LINGO2: variants seen among roughly 807,000 people sequenced by gnomAD.
The protein encoded by LINGO2 is leucine rich repeat and Ig domain containing 2.
A neutral mutation model predicts 30.6 loss-of-function variants in LINGO2; 14 were observed. The observed-to-expected ratio is 0.46, with a 90% confidence interval of 0.30 to 0.72. The LOEUF (loss-of-function observed/expected upper bound fraction) is 0.72, where lower values mean the gene tolerates loss of function less well. LINGO2 is among the 30% of genes least tolerant of loss of function. The pLI, the probability that LINGO2 is intolerant of heterozygous loss-of-function variation, is 0.07. For missense variants in LINGO2, 729 were observed against 751.7 expected (o/e 0.97, Z 0.35); for synonymous variants, 317 against 288.5 (o/e 1.10, Z -1.00).
intron 4 of LINGO2, among the ~76,000 whole-genome samples, chr9:28,157,838 A>G (rs1220632997): frequency 6.6e-6 from 1 of 152,154 alleles, no homozygotes; most frequent in Admixed American, 6.5e-5. Flanking sequence ...TTCAGTTCCC[A>G]ATAAGTTCCT....
At chr9:28,701,000 G>T in the LINGO2 span, among the ~76,000 whole-genome samples, 1 of 151,806 alleles carries the variant, frequency 6.6e-6, no homozygotes, top group East Asian at 1.9e-4. Flanking sequence ...TTTTCTTTGG[G>T]TTGTTAATTC....
rs549969145 is a variant in LINGO2 at position 28,242,546 on chromosome 9, C to T, written c.-87+52662G>A. 9.2e-5 allele frequency among the ~76,000 whole-genome samples: 14 copies of T among 152,264 alleles called. No individual in the cohort carries two copies. In the South Asian group the frequency reaches 2.3e-3, roughly 25 times the overall value. On this transcript the variant is annotated intron_variant, in intron 4 of 5. Transcript: ENST00000379992. The stretch of plus-strand genomic sequence containing the variant: ...GTGAATGGATTCAAGTTGAAAAACA[C>T]ACTTCAGGATATTATCCAGGAGAAC...
At chr9:28,815,609 C>A in the LINGO2 span, among the ~76,000 whole-genome samples, 9 of 152,284 alleles carry the variant, frequency 5.9e-5, no homozygotes, top group South Asian at 1.9e-3. Flanking sequence ...TCAGAAAGAT[C>A]TTTTACTATT....
At position 28,589,840 on chromosome 9, in the gene LINGO2, C is replaced by T. The variant is rs921039498; in HGVS notation, c.-365+80360G>A. ...TGGAACCAAAAAAGAGCCCGCATTG[C>T]CAAGACAATCCTAAGCCAAAAAAGA... is the stretch of plus-strand genomic sequence containing the variant. On this transcript the variant is annotated intron_variant, in intron 1 of 5. Transcript: ENST00000379992. Among the ~76,000 whole-genome samples the T allele has an allele frequency of 7.2e-5, 11 of 152,030 alleles. No individual in the cohort carries two copies. In the East Asian group the frequency reaches 7.7e-4, roughly 11 times the overall value.
intron 4 of LINGO2, among the ~76,000 whole-genome samples, chr9:28,055,483 G>T (rs996417574): frequency 6.6e-6 from 1 of 152,124 alleles, no homozygotes; most frequent in Non-Finnish European, 1.5e-5. Context: ...CTTGTAAAAA[G>T]AGAGTAAGGT....
chr9:28,955,185 A>AGT, the LINGO2 span, among the ~76,000 whole-genome samples: 5 of 151,706 alleles, frequency 3.3e-5, no homozygotes, highest in African/African-American at 7.3e-5. Flanking sequence ...AGAGAGAGAG[A>AGT]GTGTGTGAGA....
At chr9:28,824,974 G>C in the LINGO2 span, among the ~76,000 whole-genome samples, 5 of 152,056 alleles carry the variant, frequency 3.3e-5, no homozygotes, top group African/African-American at 1.2e-4. Context: ...GGGTGAATGA[G>C]AGAACTCCTA....
the LINGO2 span, among the ~76,000 whole-genome samples, chr9:28,866,237 C>G: frequency 2.6e-5 from 4 of 152,218 alleles, no homozygotes; most frequent in African/African-American, 9.6e-5. Context: ...CAAACTCTTG[C>G]ACTATTTAAC....
intron 1 of LINGO2, among the ~76,000 whole-genome samples, chr9:28,595,194 A>T (rs1320465980): frequency 6.6e-6 from 1 of 152,134 alleles, no homozygotes; most frequent in African/African-American, 2.4e-5. Context: ...TGATATAAAA[A>T]TAGCACATAA....
chr9:28,964,258 T>C, the LINGO2 span, among the ~76,000 whole-genome samples: 1 of 151,872 alleles, frequency 6.6e-6, no homozygotes, highest in Non-Finnish European at 1.5e-5. Context: ...ACTGTGTCAG[T>C]ATTACAGAAC....
chr9:28,531,441 T>A (rs1222892224), intron 1 of LINGO2, among the ~76,000 whole-genome samples: 1 of 152,134 alleles, frequency 6.6e-6, no homozygotes, highest in African/African-American at 2.4e-5. Context: ...CCAGTATCCC[T>A]TTTTTCTAGT....
chr9:28,583,163 A>C (rs980539387), intron 1 of LINGO2, among the ~76,000 whole-genome samples: 3 of 151,998 alleles, frequency 2.0e-5, no homozygotes, highest in Non-Finnish European at 2.9e-5. Flanking sequence ...ACTAGTACCA[A>C]AGAAAAGTGA....
the LINGO2 span, among the ~76,000 whole-genome samples, chr9:29,211,795 C>G: frequency 1.3e-5 from 2 of 152,152 alleles, no homozygotes; most frequent in Non-Finnish European, 2.9e-5. Context: ...AAAGCGGGCA[C>G]AGCAGGTCCC....
the LINGO2 span, among the ~76,000 whole-genome samples, chr9:29,201,188 G>GT: frequency 3.3e-5 from 5 of 152,068 alleles, no homozygotes; most frequent in African/African-American, 1.2e-4. Context: ...TTCAGGGCAA[G>GT]TATCTACATA....
chr9:28,864,358 T>A, the LINGO2 span, among the ~76,000 whole-genome samples: 1 of 152,240 alleles, frequency 6.6e-6, no homozygotes, highest in East Asian at 1.9e-4. Flanking sequence ...AACTAAATTC[T>A]ATATTATACA....
chr9:28,381,802 C>T (rs1306190479), intron 2 of LINGO2, among the ~76,000 whole-genome samples: 2 of 152,064 alleles, frequency 1.3e-5, no homozygotes, highest in African/African-American at 4.8e-5. Flanking sequence ...CACTTCTAAC[C>T]CGACACTACA....
intron 4 of LINGO2, among the ~76,000 whole-genome samples, chr9:28,152,049 T>A (rs1828014636): frequency 6.6e-6 from 1 of 152,214 alleles, no homozygotes. Flanking sequence ...TATTGATTAA[T>A]AAAGTATAGA....
rs557975326 is a variant in LINGO2 at position 28,443,279 on chromosome 9, A to T, written c.-279+32661T>A. ...ATATCCTTAATGGATAATGTCATTT[A>T]AACTTATGGTGGTAGAGGCCCATCT... On this transcript the variant is annotated intron_variant, in intron 2 of 5. Coordinates refer to ENST00000379992, the Ensembl canonical transcript of LINGO2. 3.3e-5 allele frequency among the ~76,000 whole-genome samples: 5 copies of T among 152,350 alleles called. No homozygotes were observed. The South Asian group carries it at 1.0e-3, about 32-fold the overall frequency.
At chr9:28,768,987 G>A in the LINGO2 span, among the ~76,000 whole-genome samples, 1 of 151,876 alleles carries the variant, frequency 6.6e-6, no homozygotes, top group Non-Finnish European at 1.5e-5. Flanking sequence ...TAGAAATATT[G>A]TAAAATTTTT....
Sources: gnomAD v4.1 joint callset for allele counts (sites outside exome capture counted in the v4.1 genomes callset) on GRCh38, gnomAD v4.1.1 for gene constraint, MANE v1.5 for transcripts, NCBI Gene and HGNC (gene_info 2026-07-23, HGNC 2026-07-21) for gene names.